Variants in GFRA2 observed in about 807,000 individuals in gnomAD.
GFRA2 encodes the protein GDNF family receptor alpha-2.
GFRA2 carries 17 observed loss-of-function variants against 48.3 expected under a neutral mutation model. That is an observed-to-expected ratio of 0.35 (90% CI 0.24 to 0.53). The LOEUF (loss-of-function observed/expected upper bound fraction) is 0.53, where lower values mean the gene tolerates loss of function less well. Among genes scored for constraint, GFRA2 ranks in the 20% least tolerant of loss-of-function variants. The pLI, the probability that GFRA2 is intolerant of heterozygous loss-of-function variation, is 0.93. For synonymous variants in GFRA2, 305 were observed against 257.2 expected, an observed-to-expected ratio of 1.19 and a Z score of -1.78; for missense variants, 660 against 637.3, an observed-to-expected ratio of 1.04 and a Z score of -0.38.
intron 8 of GFRA2, among the ~76,000 whole-genome samples, 172 bp from the exon 9 acceptor site, chr8:21,693,572 C>G (rs1349940263): frequency 2.6e-5 from 4 of 152,122 alleles, no homozygotes; most frequent in Non-Finnish European, 5.9e-5. Flanking sequence ...AGCGCTGACT[C>G]TCCCGGAGCT....
chr8:21,712,915 G>A (rs1803133633), intron 4 of GFRA2, among the ~76,000 whole-genome samples: 1 of 152,112 alleles, frequency 6.6e-6, no homozygotes, highest in Non-Finnish European at 1.5e-5. Flanking sequence ...GCTGAGGCAG[G>A]AGAATCAGGC....
At chr8:21,716,043 C>A (rs1803314361) in intron 4 of GFRA2, among the ~76,000 whole-genome samples, 1 of 152,144 alleles carries the variant, frequency 6.6e-6, no homozygotes. Context: ...AAACATTCGG[C>A]CAGGCGCGGT....
chr8:21,805,369 T>C (rs1157068922), intron 1 of GFRA2, among the ~76,000 whole-genome samples: 1 of 152,196 alleles, frequency 6.6e-6, no homozygotes, highest in Non-Finnish European at 1.5e-5. Flanking sequence ...GGGGACATAT[T>C]ACACATATTT....
At chr8:21,694,077 T>TATTTATATATATATATATATATA (rs1338101835) in intron 8 of GFRA2, among the ~76,000 whole-genome samples, 2 of 109,294 alleles carry the variant, frequency 1.8e-5, no homozygotes, top group African/African-American at 3.2e-5. Context: ...TTATTTATTT[T>TATTTATATATATATATATATATA]TATATATATA....
At chr8:21,791,566 C>T (rs1807574677), upstream of GFRA2, among the ~76,000 whole-genome samples, 1 of 152,140 alleles carries the variant, frequency 6.6e-6, no homozygotes, top group Non-Finnish European at 1.5e-5. Context: ...GTGCCGGGAT[C>T]TACAGAGGAA....
rs1807380095 is a variant in GFRA2 at position 21,788,165 on chromosome 8, A to G, written c.-6T>C. The G allele has an allele frequency of 3.1e-6, 5 of 1,603,512 alleles. No homozygotes were observed. In the Admixed American group the frequency reaches 8.5e-5, roughly 27 times the overall value. Reference sequence around the variant, plus strand: ...AAGACGTTTGCCAAGATCATGTTAAATAAATCCCACCGTTTTTTTGTCTTT... The same window carrying G: ...AAGACGTTTGCCAAGATCATGTTAAGTAAATCCCACCGTTTTTTTGTCTTT... On this transcript the variant is annotated 5_prime_UTR_variant, in exon 1 of 9. Transcript: ENST00000524240.
chr8:21,735,388 CT>C (rs1804405385), intron 4 of GFRA2, among the ~76,000 whole-genome samples: 1 of 152,154 alleles, frequency 6.6e-6, no homozygotes, highest in South Asian at 2.1e-4. Flanking sequence ...CAATCCACCC[CT>C]GCCAGGCCCC....
rs567101438 is a variant in GFRA2 at position 21,698,779 on chromosome 8, C to A, written c.1218+4026G>T. 6.6e-5 allele frequency among the ~76,000 whole-genome samples: 10 copies of A among 151,826 alleles called. No individual in the cohort carries two copies. In the South Asian group the frequency reaches 2.1e-3, roughly 32 times the overall value. On this transcript the variant is annotated intron_variant, in intron 7 of 8. Coordinates refer to ENST00000524240, the MANE Select transcript of GFRA2 (RefSeq NM_001495.5). The stretch of plus-strand genomic sequence containing the variant: ...CCCCACTCAGCACAGCAGACCCCCA[C>A]TCAGTATAGTAGACCCCCACTCAGC...
chr8:21,774,407 T>C (rs1334854445), intron 3 of GFRA2, among the ~76,000 whole-genome samples: 11 of 151,780 alleles, frequency 7.2e-5, no homozygotes, highest in Non-Finnish European at 1.3e-4. Flanking sequence ...ACACCTCCCT[T>C]CATGTGGTTC....
rs1455706838 is a variant in GFRA2 at position 21,692,275 on chromosome 8, T to C, written c.*1003A>G. ...ACCACACAATATATGTATATGGATG[T>C]GTATATACATATATGTTAGGAGAGG... On this transcript the variant is annotated 3_prime_UTR_variant, in exon 9 of 9. Transcript: ENST00000524240. 1 of 152,300 alleles carries C rather than the reference T, an allele frequency of 6.6e-6. No homozygotes were observed. The highest frequency in any genetic ancestry group is 1.5e-5 in the Non-Finnish European group (1 of 68,026). 9.4% of individuals were successfully genotyped at this position (152,300 alleles called of 1,614,324 possible).
At chr8:21,784,297 G>A (rs1293224170) in intron 1 of GFRA2, 12 of 456,112 alleles carry the variant, frequency 2.6e-5, no homozygotes, top group Non-Finnish European at 5.3e-5. Flanking sequence ...CCTGCCACCA[G>A]GAAAAGCCCG....
Position 21,705,126 on chromosome 8 carries a change from C to A in GFRA2, c.905-1G>T. 6.2e-7 allele frequency: 1 copy of A among 1,608,154 alleles called. No individual in the cohort carries two copies. On this transcript the variant is annotated splice_acceptor_variant, in intron 5 of 8. Transcript: ENST00000524240. LOFTEE classifies it high-confidence loss of function. ...ACATAGTTAGGTGTCATGTCAAACC[C>A]TGGGCAGGAAGAAAGGTGGGGGAGA...
At chr8:21,787,426 A>G (rs2117091159) in intron 1 of GFRA2, among the ~76,000 whole-genome samples, 1 of 152,188 alleles carries the variant, frequency 6.6e-6, no homozygotes, top group Admixed American at 6.5e-5. Context: ...GAGGTGGAGG[A>G]GGGAAGGCCG....
chr8:21,794,364 C>CCT (rs1386894417), intron 2 of GFRA2, among the ~76,000 whole-genome samples: 10 of 149,474 alleles, frequency 6.7e-5, no homozygotes, highest in African/African-American at 2.4e-4. Flanking sequence ...GATTGGCCTA[C>CCT]CTCAGCCTCC....
intron 3 of GFRA2, among the ~76,000 whole-genome samples, chr8:21,751,414 C>T (rs1000391080): frequency 4.6e-5 from 7 of 152,350 alleles, no homozygotes; most frequent in African/African-American, 1.2e-4. Flanking sequence ...ACAGCACACA[C>T]ATGCCCTCCT....
intron 3 of GFRA2, among the ~76,000 whole-genome samples, chr8:21,758,994 T>C (rs1266173921): frequency 2.6e-5 from 4 of 152,096 alleles, no homozygotes; most frequent in Non-Finnish European, 4.4e-5. Flanking sequence ...ATACACCAAC[T>C]ACATGCCAGG....
intron 6 of GFRA2, 135 bp from the exon 7 acceptor site, chr8:21,703,112 G>A: frequency 1.9e-6 from 1 of 520,030 alleles, no homozygotes; most frequent in Non-Finnish European, 3.3e-6. Context: ...GCATAGCACA[G>A]CCAGATTCCC....
intron 2 of GFRA2, among the ~76,000 whole-genome samples, chr8:21,776,866 A>G (rs796166571): frequency 6.6e-6 from 1 of 151,780 alleles, no homozygotes. Flanking sequence ...CCTCCACCCC[A>G]CCTACTGGCA....
intron 3 of GFRA2, among the ~76,000 whole-genome samples, chr8:21,773,244 T>C (rs940786925): frequency 3.3e-5 from 5 of 152,330 alleles, no homozygotes; most frequent in South Asian, 2.1e-4. Context: ...AGTGCCAGCA[T>C]GGGAGCTGCT....
Sources: allele counts gnomAD v4.1 joint callset (sites outside exome capture counted in the v4.1 genomes callset), GRCh38; gene constraint gnomAD v4.1.1; transcripts MANE v1.5; gene names NCBI Gene and HGNC (gene_info 2026-07-23, HGNC 2026-07-21).